Variants in HNRNPC observed in about 807,000 individuals in gnomAD.
HNRNPC encodes heterogeneous nuclear ribonucleoproteins C1/C2.
Under a neutral mutation model 33.2 loss-of-function variants are expected in HNRNPC, and 3 were observed. The ratio of observed to expected loss-of-function variants is 0.09; its 90% CI spans 0.04 to 0.23. The LOEUF (loss-of-function observed/expected upper bound fraction) is 0.23. HNRNPC is among the 10% of genes least tolerant of loss of function. The probability of loss-of-function intolerance (pLI) is 1.00; values close to 1 mark genes in which losing one functional copy is unlikely to be tolerated. For missense variants in HNRNPC, 143 were observed against 366.7 expected (o/e 0.39, Z 4.98); for synonymous variants, 121 against 126.7 (o/e 0.96, Z 0.30).
chr14:21,236,613 C>A (rs1169534427), intron 2 of HNRNPC, among the ~76,000 whole-genome samples: 1 of 152,126 alleles, frequency 6.6e-6, no homozygotes, highest in Non-Finnish European at 1.5e-5. Flanking sequence ...GGTATTGCTA[C>A]TTCAAATTTT....
chr14:21,215,925 G>GA (rs1179342994), intron 5 of HNRNPC, among the ~76,000 whole-genome samples: 77 of 137,908 alleles, frequency 5.6e-4, no homozygotes, highest in African/African-American at 2.2e-3. Context: ...AAGGAAGAAA[G>GA]AAAGAAAAGG....
intron 2 of HNRNPC, among the ~76,000 whole-genome samples, chr14:21,253,485 A>G (rs1393826217): frequency 7.4e-6 from 1 of 134,902 alleles, no homozygotes; most frequent in Non-Finnish European, 1.6e-5. Flanking sequence ...AAAAAAAAAA[A>G]GATAGCACCA....
At chr14:21,224,540 C>T (rs1044676791) in intron 5 of HNRNPC, among the ~76,000 whole-genome samples, 1 of 152,162 alleles carries the variant, frequency 6.6e-6, no homozygotes, top group Non-Finnish European at 1.5e-5. Flanking sequence ...TACTTTCATA[C>T]CTTTAGTCCA....
At chr14:21,244,029 A>AT (rs1895661434) in intron 2 of HNRNPC, among the ~76,000 whole-genome samples, 1 of 147,712 alleles carries the variant, frequency 6.8e-6, no homozygotes. Context: ...TATTTCCTCC[A>AT]AGTTTTTTTT....
At chr14:21,227,257 ACACT>A (rs113708699) in intron 5 of HNRNPC, among the ~76,000 whole-genome samples, 3,476 of 151,690 alleles carry the variant, frequency 0.023, 96 homozygotes, top group Middle Eastern at 0.082. Flanking sequence ...TGTAAGACAC[ACACT>A]CAATTCCTCA....
chr14:21,237,464 T>C (rs984831044), intron 2 of HNRNPC, among the ~76,000 whole-genome samples: 1 of 152,238 alleles, frequency 6.6e-6, no homozygotes, highest in Non-Finnish European at 1.5e-5. Flanking sequence ...CAATTCCACA[T>C]ATTCTTCTGT....
chr14:21,218,545 G>C (rs1892461554), intron 5 of HNRNPC, among the ~76,000 whole-genome samples: 1 of 151,672 alleles, frequency 6.6e-6, no homozygotes, highest in African/African-American at 2.4e-5. Flanking sequence ...AAAATCAGCA[G>C]GGTGTGGTGG....
intron 2 of HNRNPC, among the ~76,000 whole-genome samples, chr14:21,244,145 C>A (rs1213864045): frequency 6.6e-6 from 1 of 151,878 alleles, no homozygotes; most frequent in African/African-American, 2.4e-5. Context: ...TACAGGCGCC[C>A]GCCACCACAT....
intron 2 of HNRNPC, among the ~76,000 whole-genome samples, chr14:21,248,173 T>C (rs996254583): frequency 1.2e-4 from 18 of 152,122 alleles, no homozygotes; most frequent in Admixed American, 1.0e-3. Flanking sequence ...CAAGACCTTA[T>C]CTCCACCAAA....
At chr14:21,251,884 G>T (rs772330360) in intron 2 of HNRNPC, among the ~76,000 whole-genome samples, 1 of 152,028 alleles carries the variant, frequency 6.6e-6, no homozygotes, top group Non-Finnish European at 1.5e-5. Flanking sequence ...TTGAGTCTTG[G>T]TGTCAAATGC....
intron 2 of HNRNPC, among the ~76,000 whole-genome samples, chr14:21,242,277 G>A (rs571236596): frequency 6.6e-6 from 1 of 152,282 alleles, no homozygotes; most frequent in African/African-American, 2.4e-5. Context: ...GAGGTCAAGA[G>A]GTGGAGACCA....
intron 2 of HNRNPC, among the ~76,000 whole-genome samples, chr14:21,243,241 G>A (rs1895568198): frequency 6.6e-6 from 1 of 151,950 alleles, no homozygotes; most frequent in Non-Finnish European, 1.5e-5. Context: ...ATAATATTTT[G>A]GTGGCATGTA....
At chr14:21,226,327 G>GAAAAA (rs374686866) in intron 5 of HNRNPC, among the ~76,000 whole-genome samples, 9 of 110,582 alleles carry the variant, frequency 8.1e-5, no homozygotes, top group South Asian at 2.9e-4. Flanking sequence ...GTTTCCAAAA[G>GAAAAA]AAAAAAAAAA....
chr14:21,265,175 T>C (rs1395652214), intron 1 of HNRNPC: 1 of 152,222 alleles, frequency 6.6e-6, no homozygotes, highest in Non-Finnish European at 1.5e-5. Flanking sequence ...ATGTACAAAT[T>C]GCGGAAAAAG....
intron 5 of HNRNPC, among the ~76,000 whole-genome samples, chr14:21,221,299 A>G (rs566824895): frequency 1.3e-5 from 2 of 152,208 alleles, no homozygotes; most frequent in Non-Finnish European, 2.9e-5. Context: ...TACATTTCTT[A>G]TAACTTACAC....
chr14:21,220,866 T>C (rs1594214752), intron 5 of HNRNPC, among the ~76,000 whole-genome samples: 1 of 150,036 alleles, frequency 6.7e-6, no homozygotes, highest in Admixed American at 6.7e-5. Context: ...CCAGGCCCAG[T>C]GGCTAATACC....
At chr14:21,238,253 G>A (rs1363064373) in intron 2 of HNRNPC, among the ~76,000 whole-genome samples, 1 of 152,092 alleles carries the variant, frequency 6.6e-6, no homozygotes, top group Non-Finnish European at 1.5e-5. Flanking sequence ...TAAATGTCCA[G>A]CAATAATAGT....
At chr14:21,224,602 C>T (rs1474949345) in intron 5 of HNRNPC, among the ~76,000 whole-genome samples, 2 of 152,178 alleles carry the variant, frequency 1.3e-5, no homozygotes, top group African/African-American at 2.4e-5. Context: ...ACCTCCTCTC[C>T]ATTCCAACAT....
chr14:21,211,274 A>G lies in HNRNPC; in HGVS notation c.831T>C (p.Ala277=). The G allele has an allele frequency of 1.9e-6, 3 of 1,614,114 alleles. No homozygotes were observed. Among genetic ancestry groups the G allele is most frequent in the East Asian group, 2.2e-5 (1 of 44,882 alleles). ...LELIKDDEKE[A]EEGEDDRDSA... ...TGTCTCTGTCATCCTCTCCTTCCTCAGCCTCTTTTTCATCATCCTTGATCA... is the reference window on the plus strand; with the variant it reads ...TGTCTCTGTCATCCTCTCCTTCCTCGGCCTCTTTTTCATCATCCTTGATCA... Residue 277 remains alanine, a synonymous_variant, in exon 9 of 9, where the codon GCT becomes GCC. Transcript: ENST00000553300.
Sources: gnomAD v4.1 joint callset for allele counts (sites outside exome capture counted in the v4.1 genomes callset) on GRCh38, gnomAD v4.1.1 for gene constraint, MANE v1.5 for transcripts, NCBI Gene and HGNC (gene_info 2026-07-23, HGNC 2026-07-21) for gene names.